Variants in LRBA observed in about 807,000 individuals in gnomAD.
The protein encoded by LRBA is LPS responsive beige-like anchor protein, also known as lipopolysaccharide-responsive and beige-like anchor protein.
LRBA carries 176 observed loss-of-function variants against 330.0 expected under a neutral mutation model. That is an observed-to-expected ratio of 0.53 (90% confidence interval 0.47 to 0.60). The LOEUF (loss-of-function observed/expected upper bound fraction) is 0.60. Among genes scored for constraint, LRBA ranks in the 20% least tolerant of loss-of-function variants. The probability of loss-of-function intolerance (pLI) is 0.00; values close to 1 mark genes in which losing one functional copy is unlikely to be tolerated. For synonymous variants in LRBA, 1,230 were observed against 1,193.0 expected (o/e 1.03, Z -0.64); for missense variants, 3,259 against 3,444.8 (o/e 0.95, Z 1.35).
chr4:150,347,632 C>T (rs1229371068), intron 48 of LRBA, among the ~76,000 whole-genome samples: 4 of 120,944 alleles, frequency 3.3e-5, no homozygotes, highest in East Asian at 2.3e-4. Context: ...GGTGAAAGAG[C>T]GAGACTCTGT....
At chr4:150,379,255 A>T (rs2151884207) in intron 47 of LRBA, among the ~76,000 whole-genome samples, 1 of 142,686 alleles carries the variant, frequency 7.0e-6, no homozygotes, top group East Asian at 2.2e-4. Context: ...GTGAGCCGAG[A>T]TCACGCCATC....
intron 36 of LRBA, among the ~76,000 whole-genome samples, chr4:150,728,972 T>C (rs1730075596): frequency 1.3e-5 from 2 of 152,114 alleles, no homozygotes; most frequent in South Asian, 2.1e-4. Context: ...CAAAAAACTA[T>C]AAGAACTGAT....
chr4:150,300,358 T>C (rs1351664533), intron 53 of LRBA, among the ~76,000 whole-genome samples: 1 of 152,080 alleles, frequency 6.6e-6, no homozygotes, highest in Non-Finnish European at 1.5e-5. Flanking sequence ...TCTTTTATTG[T>C]TTTTCTTTTC....
At chr4:150,485,295 T>C (rs527764383) in intron 42 of LRBA, among the ~76,000 whole-genome samples, 1 of 152,076 alleles carries the variant, frequency 6.6e-6, no homozygotes, top group South Asian at 2.1e-4. Context: ...TAGATGTATG[T>C]AAATTTAAGA....
chr4:150,913,594 G>C (rs1268447876), intron 9 of LRBA, among the ~76,000 whole-genome samples: 1 of 152,210 alleles, frequency 6.6e-6, no homozygotes, highest in Non-Finnish European at 1.5e-5. Flanking sequence ...TTGATCTTCT[G>C]TCTGGTTGTT....
chr4:150,266,104 A>G, intron 56 of LRBA, among the ~76,000 whole-genome samples: 1 of 68,116 alleles, frequency 1.5e-5, no homozygotes, highest in African/African-American at 3.8e-5. Flanking sequence ...TTTGTAACTA[A>G]AATCTGAACA....
chr4:150,620,311 GT>G (rs1451784956), intron 37 of LRBA, among the ~76,000 whole-genome samples: 1 of 152,136 alleles, frequency 6.6e-6, no homozygotes, highest in African/African-American at 2.4e-5. Flanking sequence ...AACAGTAGAT[GT>G]TGGCATGGAT....
intron 37 of LRBA, among the ~76,000 whole-genome samples, chr4:150,680,164 A>G (rs1226390370): frequency 6.6e-6 from 1 of 152,144 alleles, no homozygotes; most frequent in Non-Finnish European, 1.5e-5. Context: ...AAGCTCTCTC[A>G]GTTTTCACCT....
chr4:150,505,592 G>A (rs900827012), intron 40 of LRBA, among the ~76,000 whole-genome samples: 1 of 152,136 alleles, frequency 6.6e-6, no homozygotes, highest in Non-Finnish European at 1.5e-5. Flanking sequence ...TGTGTAGAGG[G>A]AAATTTATAG....
chr4:150,334,831 G>GTT (rs34140293), intron 48 of LRBA, among the ~76,000 whole-genome samples: 120 of 113,618 alleles, frequency 1.1e-3, no homozygotes, highest in African/African-American at 3.3e-3. Context: ...TTTTGTCTTG[G>GTT]TTTTTTTTTT....
At chr4:150,986,868 C>T (rs1223315463) in intron 2 of LRBA, among the ~76,000 whole-genome samples, 3 of 152,128 alleles carry the variant, frequency 2.0e-5, no homozygotes, top group East Asian at 1.9e-4. Context: ...GAAAATGATA[C>T]TCGTGCGATA....
At chr4:150,805,072 T>C (rs1456098763) in intron 33 of LRBA, among the ~76,000 whole-genome samples, 1 of 152,094 alleles carries the variant, frequency 6.6e-6, no homozygotes, top group Non-Finnish European at 1.5e-5. Flanking sequence ...TGCAATCTGT[T>C]TTCTGAGGAA....
intron 2 of LRBA, among the ~76,000 whole-genome samples, chr4:150,981,224 C>T (rs143013912): frequency 0.018 from 2,793 of 151,510 alleles, 79 homozygotes; most frequent in African/African-American, 0.064. Flanking sequence ...CCAGCCTGGC[C>T]AACATAGTGA....
At chr4:150,826,553 C>T (rs1040377814) in intron 30 of LRBA, among the ~76,000 whole-genome samples, 1 of 152,142 alleles carries the variant, frequency 6.6e-6, no homozygotes, top group Non-Finnish European at 1.5e-5. Flanking sequence ...CAAAAAGAAT[C>T]CTTTTTCTGG....
At chr4:150,407,860 A>G (rs1253627198) in intron 47 of LRBA, among the ~76,000 whole-genome samples, 3 of 152,180 alleles carry the variant, frequency 2.0e-5, no homozygotes, top group African/African-American at 7.2e-5. Flanking sequence ...AAGCTGAATG[A>G]AAACAAGGAA....
chr4:150,599,883 T>A (rs1581782699), intron 37 of LRBA, among the ~76,000 whole-genome samples: 1 of 152,184 alleles, frequency 6.6e-6, no homozygotes, highest in East Asian at 1.9e-4. Context: ...TGGATTTCTG[T>A]TTTATGTACT....
At chr4:150,861,658 G>T (rs1397298754) in intron 22 of LRBA, among the ~76,000 whole-genome samples, 1 of 152,058 alleles carries the variant, frequency 6.6e-6, no homozygotes, top group East Asian at 1.9e-4. Flanking sequence ...GTAAATATAG[G>T]CTACACTAAA....
intron 53 of LRBA, among the ~76,000 whole-genome samples, chr4:150,298,655 CTTG>C (rs1365391268): frequency 6.6e-6 from 1 of 151,936 alleles, no homozygotes; most frequent in Non-Finnish European, 1.5e-5. Flanking sequence ...AGAACAGAAT[CTTG>C]TTGTTATGAA....
chr4:150,295,579 A>G (rs576460115), intron 53 of LRBA, among the ~76,000 whole-genome samples: 33 of 152,336 alleles, frequency 2.2e-4, no homozygotes, highest in South Asian at 1.4e-3. Flanking sequence ...AGTATGATGA[A>G]GAAAATGAAA....
Sources: gnomAD v4.1 joint callset for allele counts (sites outside exome capture counted in the v4.1 genomes callset) on GRCh38, gnomAD v4.1.1 for gene constraint, MANE v1.5 for transcripts, NCBI Gene and HGNC (gene_info 2026-07-23, HGNC 2026-07-21) for gene names.